CLSTN1: variants seen among roughly 807,000 people sequenced by gnomAD.
CLSTN1 encodes calsyntenin-1.
CLSTN1 carries 28 observed loss-of-function variants against 108.3 expected under a neutral mutation model. The observed-to-expected ratio is 0.26, with a 90% confidence interval of 0.19 to 0.35. The LOEUF (loss-of-function observed/expected upper bound fraction) is 0.35, where lower values mean the gene tolerates loss of function less well. CLSTN1 is among the 10% of genes least tolerant of loss of function. The pLI is 1.00. For missense variants in CLSTN1, 1,157 were observed against 1,302.6 expected (o/e 0.89, Z 1.72); for synonymous variants, 524 against 534.9 (o/e 0.98, Z 0.28).
At chr1:9,758,392 C>A (rs1427029853) in intron 2 of CLSTN1, among the ~76,000 whole-genome samples, 3 of 152,104 alleles carry the variant, frequency 2.0e-5, no homozygotes, top group Non-Finnish European at 2.9e-5. Flanking sequence ...CAGCTCACTG[C>A]AACCTCCACT....
At chr1:9,797,168 C>G (rs907079717) in intron 1 of CLSTN1, among the ~76,000 whole-genome samples, 3 of 152,172 alleles carry the variant, frequency 2.0e-5, no homozygotes, top group African/African-American at 4.8e-5. Flanking sequence ...TTGGCCCCAT[C>G]TGAAAGGCAT....
intron 1 of CLSTN1, among the ~76,000 whole-genome samples, chr1:9,820,348 G>A (rs1655145889): frequency 6.6e-6 from 1 of 152,026 alleles, no homozygotes; most frequent in East Asian, 1.9e-4. Context: ...GTGAAACCCT[G>A]TCTCTACTAA....
At chr1:9,760,684 GTTTTTTTTTTTT>G (rs762619559) in intron 2 of CLSTN1, among the ~76,000 whole-genome samples, 1 of 102,406 alleles carries the variant, frequency 9.8e-6, no homozygotes, top group African/African-American at 4.3e-5. Flanking sequence ...CCATTCCCGG[GTTTTTTTTTTTT>G]TTTTTTTTTT....
intron 2 of CLSTN1, among the ~76,000 whole-genome samples, chr1:9,768,294 G>A (rs1652452629): frequency 1.3e-5 from 2 of 149,714 alleles, no homozygotes; most frequent in Admixed American, 6.7e-5. Flanking sequence ...AGATCATGGG[G>A]GCGGGGTTCT....
chr1:9,776,936 G>A (rs1161121188), intron 1 of CLSTN1, among the ~76,000 whole-genome samples: 6 of 151,562 alleles, frequency 4.0e-5, no homozygotes, highest in Non-Finnish European at 8.8e-5. Flanking sequence ...ATTAAAACCA[G>A]TCCAGGAGCA....
intron 10 of CLSTN1, 21 bp downstream of exon 10, chr1:9,741,073 G>A: frequency 6.2e-7 from 1 of 1,607,276 alleles, no homozygotes. Flanking sequence ...CGAGTCGAGG[G>A]CGGGGGGTAA....
chr1:9,729,661 C>G lies in CLSTN1; in HGVS notation c.*847G>C, dbSNP rs1323040752. 1 of 151,212 alleles carries G rather than the reference C, an allele frequency of 6.6e-6. No homozygotes were observed. Among genetic ancestry groups the G allele is most frequent in the East Asian group, 1.9e-4 (1 of 5,212 alleles). 9.4% of individuals were successfully genotyped at this position (151,212 alleles called of 1,614,324 possible). Reference sequence around the variant, plus strand: ...GCACACGGTGAGACCAGGCCACTGCCCAGGGAGCTGCTGTCGGAGGAGGAG... The same window carrying G: ...GCACACGGTGAGACCAGGCCACTGCGCAGGGAGCTGCTGTCGGAGGAGGAG... On this transcript the variant is annotated 3_prime_UTR_variant, in exon 19 of 19. Coordinates refer to ENST00000377298, the MANE Select transcript of CLSTN1 (RefSeq NM_001009566.3).
At position 9,751,651 on chromosome 1, in the gene CLSTN1, C is replaced by G. The variant is rs763246447; in HGVS notation, c.471G>C (p.Val157=). 2 of 1,614,152 alleles carry G rather than the reference C, an allele frequency of 1.2e-6. No individual in the cohort carries two copies. The highest frequency in any genetic ancestry group is 1.1e-5 in the South Asian group (1 of 91,082). The part of the protein sequence containing the change: ...KATVHIQVND[V]NEYAPVFKEK... ...CCTTGAACACGGGCGCGTACTCATTCACGTCGTTCACCTGAATATGAACAG... is the reference window on the plus strand; with the variant it reads ...CCTTGAACACGGGCGCGTACTCATTGACGTCGTTCACCTGAATATGAACAG... Residue 157 remains valine (V), a synonymous_variant, in exon 5 of 19, where the codon GTG becomes GTC. Transcript: ENST00000377298.
At chr1:9,741,973 A>C (rs924198696) in intron 9 of CLSTN1, among the ~76,000 whole-genome samples, 11 of 152,116 alleles carry the variant, frequency 7.2e-5, no homozygotes, top group African/African-American at 2.7e-4. Context: ...TAGTACATGT[A>C]TTTTCTTTTC....
At chr1:9,759,061 T>C (rs1259640690) in intron 2 of CLSTN1, among the ~76,000 whole-genome samples, 9 of 152,264 alleles carry the variant, frequency 5.9e-5, no homozygotes, top group African/African-American at 2.2e-4. Context: ...ATGTGGCTGG[T>C]GGCTGCTGCA....
Position 9,747,662 on chromosome 1 carries a change from A to C in CLSTN1, c.985+1799T>G, listed in dbSNP as rs532930482. Among the ~76,000 whole-genome samples, 5 of 152,076 alleles carry C rather than the reference A, an allele frequency of 3.3e-5. No individual in the cohort carries two copies. In the East Asian group the frequency reaches 7.8e-4, roughly 24 times the overall value. Reference sequence around the variant, plus strand: ...TAGGCACCTCGCACCACGCCTGGCTAATTTTTTATTTTTAGTAGAGCGGGG... The same window carrying C: ...TAGGCACCTCGCACCACGCCTGGCTCATTTTTTATTTTTAGTAGAGCGGGG... On this transcript the variant is annotated intron_variant, in intron 7 of 18. Coordinates refer to ENST00000377298, the MANE Select transcript of CLSTN1 (RefSeq NM_001009566.3).
chr1:9,747,738 T>C (rs1651350789), intron 7 of CLSTN1, among the ~76,000 whole-genome samples: 1 of 152,118 alleles, frequency 6.6e-6, no homozygotes, highest in Non-Finnish European at 1.5e-5. Context: ...TCAAGTGATC[T>C]GGATAATTTT....
At chr1:9,799,939 TC>T (rs547620258) in intron 1 of CLSTN1, among the ~76,000 whole-genome samples, 43 of 152,108 alleles carry the variant, frequency 2.8e-4, no homozygotes, top group African/African-American at 8.0e-4. Context: ...AGACTCCGTC[TC>T]AAAATAAACA....
chr1:9,751,755 G>C (rs1242438450), intron 4 of CLSTN1, 74 bp from the exon 5 acceptor site: 41 of 1,328,448 alleles, frequency 3.1e-5, no homozygotes, highest in Non-Finnish European at 4.4e-5. Flanking sequence ...GTGTGTATGT[G>C]TGTTTACCCA....
chr1:9,804,101 G>A (rs1234336612), intron 1 of CLSTN1, among the ~76,000 whole-genome samples: 1 of 151,982 alleles, frequency 6.6e-6, no homozygotes, highest in Non-Finnish European at 1.5e-5. Flanking sequence ...GGTGGCTCAC[G>A]CCTGTAATCC....
rs898708695 is a variant in CLSTN1 at position 9,735,794 on chromosome 1, TCA to T, written c.1734+89_1734+90del. The stretch of plus-strand genomic sequence containing the variant: ...TTTTACCCAACAGTAAACGTATCAA[TCA>T]CAGATTACTCACTCCCTCATCCCAC... On this transcript the variant is annotated intron_variant, in intron 12 of 18. Transcript: ENST00000377298. The T allele has an allele frequency of 1.1e-4, 167 of 1,534,696 alleles. No homozygotes were observed. In the African/African-American group the frequency reaches 2.1e-3, roughly 19 times the overall value.
intron 2 of CLSTN1, among the ~76,000 whole-genome samples, chr1:9,765,708 T>C (rs901338399): frequency 6.6e-6 from 1 of 150,670 alleles, no homozygotes; most frequent in East Asian, 2.0e-4. Context: ...AGCGGAACCC[T>C]CCCTCTACTA....
At chr1:9,778,117 G>A (rs1042696026) in intron 1 of CLSTN1, among the ~76,000 whole-genome samples, 1 of 152,014 alleles carries the variant, frequency 6.6e-6, no homozygotes, top group African/African-American at 2.4e-5. Context: ...CTCATAGGTC[G>A]TTGTGTGATT....
intron 1 of CLSTN1, among the ~76,000 whole-genome samples, chr1:9,819,628 A>G (rs529858868): frequency 1.3e-5 from 2 of 152,326 alleles, no homozygotes; most frequent in Non-Finnish European, 2.9e-5. Context: ...TTTTTCTCCC[A>G]AAAGAAATAT....
Sources: gnomAD v4.1 joint callset for allele counts (sites outside exome capture counted in the v4.1 genomes callset) on GRCh38, gnomAD v4.1.1 for gene constraint, MANE v1.5 for transcripts, NCBI Gene and HGNC (gene_info 2026-07-23, HGNC 2026-07-21) for gene names.